The following ILDR1 variants were observed in gnomAD, a reference collection of about 807,000 sequenced individuals.
ILDR1 encodes immunoglobulin like domain containing receptor 1, also known as immunoglobulin-like domain-containing receptor 1.
In ILDR1, 56 loss-of-function variants were observed where a neutral mutation model predicts 62.4. The ratio of observed to expected loss-of-function variants is 0.90; its 90% CI spans 0.72 to 1.12. The LOEUF is 1.12. Ranked by LOEUF, ILDR1 falls within the 50% of genes most tolerant of loss-of-function variation. The pLI is 0.00. For missense variants in ILDR1, 736 were observed against 710.6 expected, an observed-to-expected ratio of 1.04 and a Z score of -0.41; for synonymous variants, 284 against 277.8, an observed-to-expected ratio of 1.02 and a Z score of -0.22.
chr3:122,038,893 G>A, the ILDR1 span, among the ~76,000 whole-genome samples: 3 of 151,976 alleles, frequency 2.0e-5, no homozygotes, highest in African/African-American at 7.2e-5. Flanking sequence ...AAAAGAAAGG[G>A]AACTTCTGAT....
the ILDR1 span, among the ~76,000 whole-genome samples, chr3:122,048,931 G>A: frequency 6.6e-5 from 10 of 151,958 alleles, no homozygotes; most frequent in Non-Finnish European, 8.8e-5. Flanking sequence ...CCACCATTAC[G>A]CTTTAATCAT....
At chr3:121,991,389 C>A (rs2071343932) in intron 7 of ILDR1, among the ~76,000 whole-genome samples, 1 of 152,092 alleles carries the variant, frequency 6.6e-6, no homozygotes, top group African/African-American at 2.4e-5. Flanking sequence ...TGGATCTTAA[C>A]TTTTTTTGTT....
rs981821343 is a variant in ILDR1, at chr3:121,991,230, G to A, written c.1599+1920C>T. On this transcript the variant is annotated intron_variant, in intron 7 of 7. Transcript: ENST00000344209. ...AAAAAAAAAAGAAAGCCTGGAAAGG[G>A]CTTAAAGGGCTTATCCAGTGTCTGG... Among the ~76,000 whole-genome samples the A allele has an allele frequency of 1.1e-4, 17 of 152,214 alleles. 1 individual carries two copies. The highest frequency in any genetic ancestry group is 3.6e-4 in the African/African-American group (15 of 41,548).
chr3:122,028,199 G>A, the ILDR1 span, among the ~76,000 whole-genome samples: 262 of 151,994 alleles, frequency 1.7e-3, no homozygotes, highest in African/African-American at 3.6e-3. Context: ...AGCTGGGCGT[G>A]GTGGCGGGCG....
the ILDR1 span, among the ~76,000 whole-genome samples, chr3:122,034,980 G>C: frequency 6.6e-6 from 1 of 152,250 alleles, no homozygotes; most frequent in South Asian, 2.1e-4. Context: ...CAACGTGTGG[G>C]AATTCAAGAT....
upstream of ILDR1, among the ~76,000 whole-genome samples, chr3:122,026,215 T>A (rs1293481783): frequency 6.6e-6 from 1 of 152,180 alleles, no homozygotes; most frequent in Non-Finnish European, 1.5e-5. Context: ...TAATGAGAAT[T>A]GCATTTTCGA....
rs2071394808 is a variant in ILDR1 at position 121,993,789 on chromosome 3, C to T, written c.960G>A (p.Leu320=). 2 of 1,614,068 alleles carry T rather than the reference C, an allele frequency of 1.2e-6. No homozygotes were observed. Among genetic ancestry groups the T allele is most frequent in the South Asian group, 1.1e-5 (1 of 91,084 alleles). Residue 320 remains leucine (L), a synonymous_variant, in exon 7 of 8, where the codon CTG becomes CTA. Transcript: ENST00000344209. The part of the protein sequence containing the change: ...FGHPCSMLSS[L]GSEVVERRII... Reference sequence around the variant, plus strand: ...TTCTGCGTTCCACGACCTCAGAGCCCAGGGAGGACAGCATGCTGCAGGGAT... The same window carrying T: ...TTCTGCGTTCCACGACCTCAGAGCCTAGGGAGGACAGCATGCTGCAGGGAT...
intron 1 of ILDR1, among the ~76,000 whole-genome samples, chr3:122,015,028 G>C (rs1463270310): frequency 6.6e-6 from 1 of 152,174 alleles, no homozygotes; most frequent in Non-Finnish European, 1.5e-5. Flanking sequence ...TAGAAAATAA[G>C]AGATACAGGT....
rs2071866740 is a variant in ILDR1, at chr3:122,022,119, G to A, written c.-42C>T. The stretch of plus-strand genomic sequence containing the variant: ...CCCTTTTCAGCTCAGGGGCTTCGGG[G>A]CACTGCGTCTTTCTTCCTCAGCTGC... On this transcript the variant is annotated 5_prime_UTR_variant, in exon 1 of 8. Transcript: ENST00000344209. The A allele has an allele frequency of 1.9e-6, 3 of 1,543,492 alleles. No individual in the cohort carries two copies. The highest frequency in any genetic ancestry group is 1.8e-5 in the Admixed American group (1 of 54,198).
chr3:122,043,151 A>G, the ILDR1 span, among the ~76,000 whole-genome samples: 1 of 130,986 alleles, frequency 7.6e-6, no homozygotes, highest in African/African-American at 3.0e-5. Context: ...CAGTTTTCCC[A>G]GCACCATTTA....
In ILDR1 at chr3:122,021,826, A is replaced by G. The variant is rs532724101; in HGVS notation, c.58+194T>C. On this transcript the variant is annotated intron_variant, in intron 1 of 7. Coordinates refer to ENST00000344209, the MANE Select transcript of ILDR1 (RefSeq NM_001199799.2). ...CTGTTTGGGAAGGGCCTGGACTAACAAAAGAGAAAAGCAACAGGTTCCCAC... is the reference window on the plus strand; with the variant it reads ...CTGTTTGGGAAGGGCCTGGACTAACGAAAGAGAAAAGCAACAGGTTCCCAC... Among the ~76,000 whole-genome samples, 36 of 152,366 alleles carry G rather than the reference A, an allele frequency of 2.4e-4. 1 individual carries two copies. The Middle Eastern group carries it at 0.01, about 43-fold the overall frequency.
chr3:122,030,337 G>A, the ILDR1 span, among the ~76,000 whole-genome samples: 1 of 151,934 alleles, frequency 6.6e-6, no homozygotes, highest in East Asian at 1.9e-4. Context: ...TGAAGCAGGG[G>A]GAGGGGAGGG....
At chr3:122,041,339 G>C in the ILDR1 span, among the ~76,000 whole-genome samples, 1 of 152,136 alleles carries the variant, frequency 6.6e-6, no homozygotes, top group East Asian at 1.9e-4. Context: ...AGTGAATTAG[G>C]TCCCTTTTTG....
At chr3:122,032,120 C>A in the ILDR1 span, among the ~76,000 whole-genome samples, 2 of 152,156 alleles carry the variant, frequency 1.3e-5, no homozygotes, top group African/African-American at 4.8e-5. Context: ...TGTAACCCTG[C>A]TTAATTATTC....
At position 122,001,758 on chromosome 3, in the gene ILDR1, C is replaced by A. The variant is rs142554264; in HGVS notation, c.486G>T (p.Lys162Asn). The A allele has an allele frequency of 2.5e-6, 4 of 1,612,612 alleles. No individual in the cohort carries two copies. Among genetic ancestry groups the A allele is most frequent in the Non-Finnish European group, 2.5e-6 (3 of 1,179,902 alleles). The stretch of plus-strand genomic sequence containing the variant: ...AGTAGCACTTACGTAGGACGATGAG[C>A]TTTACTTCCTTATCGGGGTCTCCTG... Reference protein sequence around the residue: ...DTSGDPDKEVKLIVLHWLTVI... With the variant: ...DTSGDPDKEVNLIVLHWLTVI... The change falls in exon 4 of 8, where the codon AAG (lysine) becomes AAT (asparagine). Residue 162 changes from lysine to asparagine, a missense_variant. Lys to Asn is a moderately conservative substitution (Grantham distance 94). Transcript: ENST00000344209.
chr3:122,040,084 C>G, the ILDR1 span, among the ~76,000 whole-genome samples: 1 of 151,916 alleles, frequency 6.6e-6, no homozygotes, highest in Non-Finnish European at 1.5e-5. Flanking sequence ...TAATTGCCCC[C>G]AAGCTGTATA....
chr3:122,047,787 G>A, the ILDR1 span, among the ~76,000 whole-genome samples: 3 of 152,210 alleles, frequency 2.0e-5, no homozygotes, highest in Non-Finnish European at 4.4e-5. Flanking sequence ...CACAGTGCAC[G>A]CACCCACTGG....
At chr3:122,060,416 T>C in the ILDR1 span, among the ~76,000 whole-genome samples, 1 of 151,958 alleles carries the variant, frequency 6.6e-6, no homozygotes, top group Non-Finnish European at 1.5e-5. Flanking sequence ...TGGAGTAAAC[T>C]CACCTCTGCT....
chr3:122,045,673 T>C, the ILDR1 span, among the ~76,000 whole-genome samples: 1 of 151,902 alleles, frequency 6.6e-6, no homozygotes, highest in Non-Finnish European at 1.5e-5. Context: ...CATTATGTAA[T>C]GGCCTTCTTA....
Sources: gnomAD v4.1 joint callset for allele counts (sites outside exome capture counted in the v4.1 genomes callset) on GRCh38, gnomAD v4.1.1 for gene constraint, MANE v1.5 for transcripts, NCBI Gene and HGNC (gene_info 2026-07-23, HGNC 2026-07-21) for gene names.